GRM8: variants seen among roughly 807,000 people sequenced by gnomAD.
GRM8 encodes glutamate metabotropic receptor 8.
In GRM8, 47 loss-of-function variants were observed where a neutral mutation model predicts 87.2. The ratio of observed to expected loss-of-function variants is 0.54; its 90% CI spans 0.43 to 0.69. The LOEUF is 0.69. Ranked by LOEUF, GRM8 falls within the 30% of genes least tolerant of loss-of-function variation. GRM8 has a pLI of 0.00. For synonymous variants in GRM8, 396 were observed against 404.5 expected (o/e 0.98, Z 0.25); for missense variants, 1,019 against 1,139.2 (o/e 0.89, Z 1.52).
intron 3 of GRM8, among the ~76,000 whole-genome samples, chr7:127,098,718 T>C (rs1586997165): frequency 6.6e-6 from 1 of 152,332 alleles, no homozygotes; most frequent in East Asian, 1.9e-4. Context: ...AACTCTAAGA[T>C]GTTAATATTC....
At chr7:126,505,814 A>G (rs1810371100) in intron 9 of GRM8, among the ~76,000 whole-genome samples, 1 of 152,064 alleles carries the variant, frequency 6.6e-6, no homozygotes, top group Admixed American at 6.6e-5. Flanking sequence ...TCCATCACCT[A>G]ACATATTTAA....
chr7:126,754,947 G>A (rs1368789161), intron 7 of GRM8, among the ~76,000 whole-genome samples: 2 of 127,624 alleles, frequency 1.6e-5, no homozygotes, highest in African/African-American at 5.4e-5. Context: ...TTTCAATAAT[G>A]CTAAAAAGAA....
At chr7:126,675,747 A>T (rs1806891078) in intron 7 of GRM8, among the ~76,000 whole-genome samples, 1 of 152,218 alleles carries the variant, frequency 6.6e-6, no homozygotes, top group Non-Finnish European at 1.5e-5. Context: ...AGCTCAAAAT[A>T]ATAAAAGCCA....
intron 3 of GRM8, among the ~76,000 whole-genome samples, chr7:127,105,735 C>G (rs1241219048): frequency 6.6e-6 from 1 of 152,142 alleles, no homozygotes; most frequent in Non-Finnish European, 1.5e-5. Context: ...GTAACAACAA[C>G]ATACTTAATT....
At chr7:126,902,417 A>G in intron 6 of GRM8, 125 bp downstream of exon 6, 1 of 801,354 alleles carries the variant, frequency 1.2e-6, no homozygotes, top group Non-Finnish European at 1.9e-6. Flanking sequence ...GAGACACTAT[A>G]ACAAAAAGAC....
At chr7:127,126,875 A>G (rs1010760968) in intron 2 of GRM8, among the ~76,000 whole-genome samples, 3 of 152,040 alleles carry the variant, frequency 2.0e-5, no homozygotes, top group Non-Finnish European at 2.9e-5. Context: ...AAGAACTCTT[A>G]CAACTCATAA....
At chr7:126,985,244 G>C (rs563198627) in intron 3 of GRM8, among the ~76,000 whole-genome samples, 97 of 152,252 alleles carry the variant, frequency 6.4e-4, no homozygotes, top group Non-Finnish European at 1.1e-3. Flanking sequence ...ATGCTCAATA[G>C]CTTGAATTAG....
intron 7 of GRM8, among the ~76,000 whole-genome samples, chr7:126,614,805 G>A (rs761958601): frequency 5.3e-5 from 8 of 152,128 alleles, no homozygotes; most frequent in Admixed American, 2.0e-4. Context: ...GCAATGAAGC[G>A]AGAACAGAAG....
chr7:127,123,971 GC>G (rs1827223588), intron 2 of GRM8, among the ~76,000 whole-genome samples: 1 of 152,196 alleles, frequency 6.6e-6, no homozygotes, highest in Non-Finnish European at 1.5e-5. Flanking sequence ...TGCACATGCA[GC>G]AGCCTTTTTG....
chr7:127,199,191 C>T (rs1178456918), intron 2 of GRM8, among the ~76,000 whole-genome samples: 9 of 151,420 alleles, frequency 5.9e-5, no homozygotes, highest in African/African-American at 2.2e-4. Flanking sequence ...CCCAGGCTGA[C>T]CTCAAGTGAT....
intron 6 of GRM8, among the ~76,000 whole-genome samples, chr7:126,829,183 T>C (rs1486835816): frequency 6.7e-6 from 1 of 149,142 alleles, no homozygotes; most frequent in African/African-American, 2.5e-5. Flanking sequence ...ATTCTGTTGA[T>C]TTGGGGTGGA....
intron 9 of GRM8, among the ~76,000 whole-genome samples, chr7:126,516,748 A>G (rs1812226038): frequency 6.6e-6 from 1 of 152,114 alleles, no homozygotes; most frequent in Non-Finnish European, 1.5e-5. Context: ...GTATAAGTGG[A>G]CCAAATAGAA....
chr7:127,015,119 A>AAGAAGG lies in GRM8; in HGVS notation c.727+91371_727+91376dup, dbSNP rs371929161. 3.5e-5 allele frequency among the ~76,000 whole-genome samples: 5 copies of AAGAAGG among 141,898 alleles called. 1 individual carries two copies. Among genetic ancestry groups the AAGAAGG allele is most frequent in the African/African-American group, 1.3e-4 (5 of 38,216 alleles). The allele number at this position is 141,898 out of a possible 152,430, so 93.1% of individuals were successfully genotyped here. On this transcript the variant is annotated intron_variant, in intron 3 of 10. Transcript: ENST00000339582. ...AAGGAGAAGGAGAAGGAAGAAGGAG[A>AAGAAGG]AGAAGGAGAAGGAGAAGGAAGAAGG...
intron 6 of GRM8, among the ~76,000 whole-genome samples, chr7:126,876,521 C>T (rs927409800): frequency 1.3e-5 from 2 of 152,122 alleles, no homozygotes; most frequent in Non-Finnish European, 2.9e-5. Flanking sequence ...ATTTCTCTGT[C>T]CTCTGTCTAC....
chr7:127,158,733 A>G (rs1001931776), intron 2 of GRM8, among the ~76,000 whole-genome samples: 9 of 152,058 alleles, frequency 5.9e-5, no homozygotes, highest in African/African-American at 1.2e-4. Flanking sequence ...ATACTATTTC[A>G]TCAGGTATTA....
intron 7 of GRM8, among the ~76,000 whole-genome samples, chr7:126,652,251 G>A (rs1023969116): frequency 1.3e-5 from 2 of 152,154 alleles, no homozygotes; most frequent in African/African-American, 4.8e-5. Context: ...ATTTCTGGTT[G>A]TACGAAGGAT....
rs538917057 is a variant in GRM8, at chr7:127,190,522, C to T, written c.510+52173G>A. 6.7e-5 allele frequency among the ~76,000 whole-genome samples: 10 copies of T among 150,096 alleles called. No individual in the cohort carries two copies. In the South Asian group the frequency reaches 1.7e-3, roughly 25 times the overall value. The stretch of plus-strand genomic sequence containing the variant: ...TCGTGCCATTGCACTCCAGCCTGGG[C>T]GACAGAGCGAGACTCGGTCTTAAAA... On this transcript the variant is annotated intron_variant, in intron 2 of 10. Coordinates refer to ENST00000339582, the MANE Select transcript of GRM8 (RefSeq NM_000845.3).
intron 1 of GRM8, among the ~76,000 whole-genome samples, chr7:127,249,240 G>C (rs1120908): frequency 0.23 from 35,364 of 151,996 alleles, 4,663 homozygotes; most frequent in Middle Eastern, 0.38. Flanking sequence ...CCTGCCCTGC[G>C]CTGACCTCCC....
chr7:127,090,361 AG>A (rs1208881813), intron 3 of GRM8, among the ~76,000 whole-genome samples: 3 of 152,214 alleles, frequency 2.0e-5, no homozygotes, highest in African/African-American at 7.2e-5. Context: ...CAGGGCCTGG[AG>A]TCATGACTCA....
Sources: allele counts gnomAD v4.1 joint callset (sites outside exome capture counted in the v4.1 genomes callset), GRCh38; gene constraint gnomAD v4.1.1; transcripts MANE v1.5; gene names NCBI Gene and HGNC (gene_info 2026-07-23, HGNC 2026-07-21).